The following SLC35F4 variants were observed in gnomAD, a reference collection of about 807,000 sequenced individuals.
SLC35F4 encodes solute carrier family 35 member F4.
Under a neutral mutation model 44.2 loss-of-function variants are expected in SLC35F4, and 24 were observed. The observed-to-expected ratio is 0.54, with a 90% confidence interval of 0.39 to 0.76. The LOEUF is 0.76. Among genes scored for constraint, SLC35F4 ranks in the 30% least tolerant of loss-of-function variants. SLC35F4 has a pLI of 0.00. For synonymous variants in SLC35F4, 238 were observed against 223.6 expected, an observed-to-expected ratio of 1.06 and a Z score of -0.57; for missense variants, 562 against 586.1, an observed-to-expected ratio of 0.96 and a Z score of 0.42.
chr14:57,961,744 G>T (rs1351074262), intron 1 of SLC35F4, among the ~76,000 whole-genome samples: 1 of 152,090 alleles, frequency 6.6e-6, no homozygotes, highest in Admixed American at 6.5e-5. Context: ...TGCCCACACT[G>T]CTCCCTCCAT....
chr14:57,792,134 T>A (rs958330450), intron 1 of SLC35F4, among the ~76,000 whole-genome samples: 1 of 151,740 alleles, frequency 6.6e-6, no homozygotes, highest in African/African-American at 2.4e-5. Context: ...GGAAGATATA[T>A]GAATGGCCAG....
intron 1 of SLC35F4, among the ~76,000 whole-genome samples, chr14:57,754,441 G>C (rs1176557700): frequency 6.6e-6 from 1 of 152,120 alleles, no homozygotes; most frequent in African/African-American, 2.4e-5. Context: ...TTAGATGTTG[G>C]TTCCCTTGCA....
chr14:57,568,372 G>C (rs1393218990), intron 6 of SLC35F4, among the ~76,000 whole-genome samples: 3 of 152,246 alleles, frequency 2.0e-5, no homozygotes, highest in Non-Finnish European at 2.9e-5. Context: ...TGTGCAATGA[G>C]GAGGCTAAAG....
In SLC35F4 at chr14:57,911,614, C is replaced by A. The variant is rs565102230; in HGVS notation, n.282+70299G>T. 3.3e-5 allele frequency among the ~76,000 whole-genome samples: 5 copies of A among 152,104 alleles called. No homozygotes were observed. In the East Asian group the frequency reaches 7.7e-4, roughly 23 times the overall value. ...AATTGATATTCAAATATTGGACCAT[C>A]CTTGCAAACCTGGGATAAATCCCAC... On this transcript the variant is annotated intron_variant and non_coding_transcript_variant, in intron 1 of 1. Transcript: ENST00000556568.
intron 1 of SLC35F4, among the ~76,000 whole-genome samples, chr14:57,609,175 T>C (rs974351101): frequency 6.6e-6 from 1 of 152,088 alleles, no homozygotes; most frequent in Non-Finnish European, 1.5e-5. Flanking sequence ...GATGGATGGA[T>C]GGATGGGAGA....
At chr14:57,825,497 T>A (rs1408408878) in intron 1 of SLC35F4, among the ~76,000 whole-genome samples, 1 of 152,156 alleles carries the variant, frequency 6.6e-6, no homozygotes, top group Non-Finnish European at 1.5e-5. Context: ...CTCTGTAGAA[T>A]AGCTTCTTAG....
chr14:57,577,098 AGAG>A (rs1439736445), intron 4 of SLC35F4, among the ~76,000 whole-genome samples: 1 of 152,218 alleles, frequency 6.6e-6, no homozygotes, highest in African/African-American at 2.4e-5. Flanking sequence ...ACATGAATAA[AGAG>A]GAGCCAAAGG....
chr14:57,814,816 A>G (rs1882378220), intron 1 of SLC35F4, among the ~76,000 whole-genome samples: 2 of 152,218 alleles, frequency 1.3e-5, no homozygotes, highest in African/African-American at 4.8e-5. Flanking sequence ...CATAAATTAA[A>G]TGAGACTGCA....
intron 1 of SLC35F4, among the ~76,000 whole-genome samples, chr14:57,662,536 A>G (rs1012805513): frequency 1.2e-4 from 18 of 152,238 alleles, no homozygotes; most frequent in African/African-American, 3.9e-4. Context: ...CCCTTTTTAC[A>G]TGCCAACTTC....
At chr14:57,665,991 A>C (rs1303743744) in intron 1 of SLC35F4, among the ~76,000 whole-genome samples, 1 of 152,166 alleles carries the variant, frequency 6.6e-6, no homozygotes, top group Non-Finnish European at 1.5e-5. Flanking sequence ...AGGTGGGAGG[A>C]GGGAGAGGAT....
intron 1 of SLC35F4, among the ~76,000 whole-genome samples, chr14:57,871,422 A>G (rs1285838230): frequency 6.6e-6 from 1 of 152,158 alleles, no homozygotes; most frequent in Non-Finnish European, 1.5e-5. Context: ...GCAAATAAAG[A>G]TTTTTTTAAA....
At chr14:57,803,663 C>T (rs1485322747) in intron 1 of SLC35F4, among the ~76,000 whole-genome samples, 1 of 140,428 alleles carries the variant, frequency 7.1e-6, no homozygotes, top group African/African-American at 2.7e-5. Flanking sequence ...GATCATGGCT[C>T]ATTGCAACCT....
chr14:57,594,040 G>A lies in SLC35F4; in HGVS notation c.188C>T (p.Pro63Leu), dbSNP rs2070350293. 6.2e-7 allele frequency: 1 copy of A among 1,613,900 alleles called. No homozygotes were observed. Among genetic ancestry groups the A allele is most frequent in the Non-Finnish European group, 8.5e-7 (1 of 1,179,872 alleles). ...AGAGGAATCTTCGGTGACAGACAGT[G>A]GGGACAGTTGTCTACTGATGCCACT... The part of the protein sequence containing the change: ...SHSGISRQLS[P>L]LSVTEDSSAP... Residue 63 changes from proline (P) to leucine (L), a missense_variant, in exon 2 of 8, where the codon CCA becomes CTA. Physicochemically the swap from Pro to Leu is moderately conservative, Grantham distance 98. Transcript: ENST00000556826.
chr14:57,925,871 G>T (rs1248305557), intron 1 of SLC35F4, among the ~76,000 whole-genome samples: 2 of 151,950 alleles, frequency 1.3e-5, no homozygotes, highest in African/African-American at 4.8e-5. Context: ...CTTCTTCCTC[G>T]TGTATCTCAG....
chr14:57,953,648 C>T (rs1231963466), intron 1 of SLC35F4, among the ~76,000 whole-genome samples: 1 of 152,128 alleles, frequency 6.6e-6, no homozygotes. Flanking sequence ...ATAAAACAGA[C>T]TTTAAACAAA....
At chr14:57,777,630 G>T (rs369956974) in intron 1 of SLC35F4, among the ~76,000 whole-genome samples, 1 of 152,004 alleles carries the variant, frequency 6.6e-6, no homozygotes, top group African/African-American at 2.4e-5. Flanking sequence ...GGCCTGTCGC[G>T]GGGGTGAGGG....
chr14:57,721,368 A>T (rs2076082442), intron 1 of SLC35F4, among the ~76,000 whole-genome samples: 1 of 152,144 alleles, frequency 6.6e-6, no homozygotes, highest in Non-Finnish European at 1.5e-5. Context: ...GTGGAGAAGC[A>T]AGGAACATAA....
intron 1 of SLC35F4, among the ~76,000 whole-genome samples, chr14:57,722,614 C>A (rs370514002): frequency 6.8e-4 from 103 of 152,274 alleles, no homozygotes; most frequent in African/African-American, 2.4e-3. Context: ...TAGTGGCACT[C>A]AACCGTCAAA....
intron 1 of SLC35F4, among the ~76,000 whole-genome samples, chr14:57,921,756 T>A (rs966785180): frequency 3.2e-4 from 49 of 152,206 alleles, no homozygotes; most frequent in Non-Finnish European, 6.3e-4. Flanking sequence ...CCAGTCACAC[T>A]GGATTACGGG....
Sources: gnomAD v4.1 joint callset for allele counts (sites outside exome capture counted in the v4.1 genomes callset) on GRCh38, gnomAD v4.1.1 for gene constraint, MANE v1.5 for transcripts, NCBI Gene and HGNC (gene_info 2026-07-23, HGNC 2026-07-21) for gene names.